BANK1: variants seen among roughly 807,000 people sequenced by gnomAD.
The protein encoded by BANK1 is B-cell scaffold protein with ankyrin repeats.
In BANK1, 95 loss-of-function variants were observed where a neutral mutation model predicts 94.5. The observed-to-expected ratio is 1.00, with a 90% CI of 0.85 to 1.19. The LOEUF is 1.19. BANK1 is among the 50% of genes most tolerant of loss of function. BANK1 has a pLI of 0.00. For missense variants in BANK1, 987 were observed against 932.2 expected (o/e 1.06, Z -0.77); for synonymous variants, 334 against 308.4 (o/e 1.08, Z -0.87).
chr4:102,057,888 A>G lies in BANK1; in HGVS notation c.1970-2323A>G, dbSNP rs143297482. Among the ~76,000 whole-genome samples the G allele has an allele frequency of 3.0e-4, 46 of 152,298 alleles. 1 individual carries two copies. The highest frequency in any genetic ancestry group is 6.8e-3 in the Middle Eastern group (2 of 294). On this transcript the variant is annotated intron_variant, in intron 11 of 16. Coordinates refer to ENST00000322953, the MANE Select transcript of BANK1 (RefSeq NM_017935.5). ...TTAGAGATCATAAGAAAATAATTAC[A>G]TATGTAATATGGCATCACAATAGAA...
rs75823201 is a variant in BANK1, at chr4:102,040,554, G to A, written c.1901-3285G>A. Reference sequence around the variant, plus strand: ...GACATATATCCTAATTACTTTGATAGCATGTTTTGAACATTTATGAGGTAA... The same window carrying A: ...GACATATATCCTAATTACTTTGATAACATGTTTTGAACATTTATGAGGTAA... On this transcript the variant is annotated intron_variant, in intron 10 of 16. Coordinates refer to ENST00000322953, the MANE Select transcript of BANK1 (RefSeq NM_017935.5). Among the ~76,000 whole-genome samples, 1,138 of 152,108 alleles carry A rather than the reference G, an allele frequency of 7.5e-3. 12 individuals are homozygous for A. Among genetic ancestry groups the A allele is most frequent in the Middle Eastern group, 0.017 (5 of 294 alleles).
chr4:101,929,718 G>T (rs1723282337), intron 7 of BANK1, among the ~76,000 whole-genome samples: 1 of 151,398 alleles, frequency 6.6e-6, no homozygotes, highest in Admixed American at 6.6e-5. Flanking sequence ...GCCAGAGATT[G>T]CATTTAGCAA....
At chr4:101,807,291 G>A (rs989871676) in intron 1 of BANK1, among the ~76,000 whole-genome samples, 6 of 151,998 alleles carry the variant, frequency 3.9e-5, no homozygotes, top group Admixed American at 1.3e-4. Context: ...TATCACTGCC[G>A]TAGATAAGAA....
At chr4:102,013,232 C>T (rs779289916) in intron 7 of BANK1, among the ~76,000 whole-genome samples, 2 of 151,998 alleles carry the variant, frequency 1.3e-5, no homozygotes, top group Non-Finnish European at 1.5e-5. Flanking sequence ...ATCAATTATT[C>T]GCTATTCTCT....
At chr4:102,010,219 C>CG (rs1726453085) in intron 7 of BANK1, among the ~76,000 whole-genome samples, 2 of 151,576 alleles carry the variant, frequency 1.3e-5, no homozygotes, top group Admixed American at 6.6e-5. Flanking sequence ...GAGCAGAGAT[C>CG]CAGCCACTGC....
At chr4:101,887,616 G>A (rs918668660) in intron 5 of BANK1, among the ~76,000 whole-genome samples, 6 of 152,084 alleles carry the variant, frequency 3.9e-5, no homozygotes, top group African/African-American at 1.4e-4. Context: ...GAGTCCTGGA[G>A]CAGGCATTTA....
intron 7 of BANK1, among the ~76,000 whole-genome samples, chr4:101,987,059 A>G (rs1578438264): frequency 6.6e-6 from 1 of 150,528 alleles, no homozygotes; most frequent in South Asian, 2.1e-4. Context: ...AAGTTGCCCA[A>G]CCAATTAGAG....
intron 10 of BANK1, among the ~76,000 whole-genome samples, chr4:102,039,350 G>T (rs1299535292): frequency 2.0e-5 from 3 of 152,072 alleles, no homozygotes; most frequent in Non-Finnish European, 2.9e-5. Context: ...TTTGCAAAGA[G>T]GCTACCTACA....
chr4:102,021,547 A>G lies in BANK1; in HGVS notation c.1240A>G (p.Asn414Asp), dbSNP rs752102879. 1 of 1,467,864 alleles carries G rather than the reference A, an allele frequency of 6.8e-7. No individual in the cohort carries two copies. Among genetic ancestry groups the G allele is most frequent in the Non-Finnish European group, 9.2e-7 (1 of 1,089,940 alleles). The allele number at this position is 1,467,864 out of a possible 1,614,324, so 90.9% of individuals were successfully genotyped here. The change falls in exon 8 of 17, where the codon AAT becomes GAT. Residue 414 changes from asparagine (N) to aspartate (D), a missense_variant. Transcript: ENST00000322953. ...QEIDINNEQE[N>D]DYEEDIASFS... ...AATTGACATAAATAATGAGCAAGAA[A>G]ATGATTATGAAGAGGATATTGCCTC... is the stretch of plus-strand genomic sequence containing the variant.
chr4:101,927,151 A>G (rs962947164), intron 7 of BANK1, among the ~76,000 whole-genome samples: 5 of 151,612 alleles, frequency 3.3e-5, no homozygotes, highest in African/African-American at 1.2e-4. Flanking sequence ...GACTGGGGAG[A>G]CCCCAGGAAA....
chr4:102,040,379 G>A (rs968606487), intron 10 of BANK1, among the ~76,000 whole-genome samples: 3 of 152,104 alleles, frequency 2.0e-5, no homozygotes, highest in East Asian at 1.9e-4. Context: ...ATTTTAAACC[G>A]CAAAAATTGT....
chr4:101,811,130 A>T (rs1000521049), intron 1 of BANK1, among the ~76,000 whole-genome samples: 1 of 152,152 alleles, frequency 6.6e-6, no homozygotes, highest in Non-Finnish European at 1.5e-5. Context: ...TGAAACTTCT[A>T]TGAGTCTTTG....
intron 1 of BANK1, among the ~76,000 whole-genome samples, chr4:101,822,580 G>A (rs1726205313): frequency 6.6e-6 from 1 of 151,564 alleles, no homozygotes; most frequent in Admixed American, 6.6e-5. Context: ...ACAAAATAAT[G>A]GGTGGTCTTA....
At chr4:101,792,256 C>T (rs1388918511) in intron 1 of BANK1, among the ~76,000 whole-genome samples, 1 of 30,552 alleles carries the variant, frequency 3.3e-5, no homozygotes, top group African/African-American at 1.1e-4. Flanking sequence ...GCATTCCGCT[C>T]CCCCCCCGCC....
intron 7 of BANK1, among the ~76,000 whole-genome samples, chr4:101,993,320 A>G (rs1725771548): frequency 6.6e-6 from 1 of 152,206 alleles, no homozygotes; most frequent in African/African-American, 2.4e-5. Context: ...CAGCAGTAGC[A>G]ATCATCAGTA....
At chr4:101,997,191 G>A (rs1446566977) in intron 7 of BANK1, among the ~76,000 whole-genome samples, 1 of 152,166 alleles carries the variant, frequency 6.6e-6, no homozygotes, top group East Asian at 1.9e-4. Flanking sequence ...AGATAATCAA[G>A]TGGTTCTTGT....
At chr4:102,014,693 A>G (rs1726632487) in intron 7 of BANK1, among the ~76,000 whole-genome samples, 1 of 152,150 alleles carries the variant, frequency 6.6e-6, no homozygotes, top group Non-Finnish European at 1.5e-5. Flanking sequence ...CTAGTATTAT[A>G]GTATTATACA....
intron 10 of BANK1, among the ~76,000 whole-genome samples, chr4:102,035,534 G>C (rs544524403): frequency 1.1e-3 from 164 of 151,964 alleles, no homozygotes; most frequent in Non-Finnish European, 2.0e-3. Flanking sequence ...TGTAGTCCCA[G>C]CTACTTGGGA....
At chr4:102,000,502 G>A (rs1180329320) in intron 7 of BANK1, among the ~76,000 whole-genome samples, 1 of 152,086 alleles carries the variant, frequency 6.6e-6, no homozygotes, top group Non-Finnish European at 1.5e-5. Flanking sequence ...TGAGGAAAAT[G>A]GAAAGATCTT....
Sources: gnomAD v4.1 joint callset for allele counts (sites outside exome capture counted in the v4.1 genomes callset) on GRCh38, gnomAD v4.1.1 for gene constraint, MANE v1.5 for transcripts, NCBI Gene and HGNC (gene_info 2026-07-23, HGNC 2026-07-21) for gene names.